PREX1: variants seen among roughly 807,000 people sequenced by gnomAD.
The protein encoded by PREX1 is phosphatidylinositol 3,4,5-trisphosphate-dependent Rac exchanger 1 protein.
PREX1 carries 41 observed loss-of-function variants against 198.3 expected under a neutral mutation model. The observed-to-expected ratio is 0.21, with a 90% CI of 0.16 to 0.27. The LOEUF (loss-of-function observed/expected upper bound fraction) is 0.27. Ranked by LOEUF, PREX1 falls within the 10% of genes least tolerant of loss-of-function variation. The pLI is 1.00. For synonymous variants in PREX1, 843 were observed against 887.2 expected (o/e 0.95, Z 0.89); for missense variants, 1,620 against 2,200.7 (o/e 0.74, Z 5.28).
chr20:48,634,011 ACAGATGTT>A (rs1202916410), intron 33 of PREX1, among the ~76,000 whole-genome samples: 108 of 151,618 alleles, frequency 7.1e-4, no homozygotes, highest in African/African-American at 2.4e-3. Flanking sequence ...GGATGGATGG[ACAGATGTT>A]TGGATGGATC....
At chr20:48,830,549 CCCA>C (rs1216684754), upstream of PREX1, among the ~76,000 whole-genome samples, 5 of 152,162 alleles carry the variant, frequency 3.3e-5, no homozygotes, top group African/African-American at 1.2e-4. Context: ...ACACACAAAT[CCCA>C]CATTTCACCC....
chr20:48,732,991 G>T (rs970605797), intron 4 of PREX1, among the ~76,000 whole-genome samples: 1 of 152,194 alleles, frequency 6.6e-6, no homozygotes, highest in Admixed American at 6.5e-5. Flanking sequence ...CAGACTGTCT[G>T]CACCCACACT....
the PREX1 span, among the ~76,000 whole-genome samples, chr20:48,848,629 C>A: frequency 6.6e-6 from 1 of 152,132 alleles, no homozygotes; most frequent in Non-Finnish European, 1.5e-5. Flanking sequence ...CTTTGGATAA[C>A]CACCTGGCAC....
At chr20:48,865,808 A>G in the PREX1 span, among the ~76,000 whole-genome samples, 1 of 152,248 alleles carries the variant, frequency 6.6e-6, no homozygotes, top group Non-Finnish European at 1.5e-5. Context: ...ACAGCTGTAT[A>G]ATAATTATTG....
intron 1 of PREX1, among the ~76,000 whole-genome samples, chr20:48,820,721 G>A (rs543266863): frequency 5.9e-5 from 9 of 152,138 alleles, no homozygotes; most frequent in Non-Finnish European, 1.2e-4. Context: ...GGGAAGAGGG[G>A]TCCTACTGGC....
chr20:48,850,271 G>A, the PREX1 span, among the ~76,000 whole-genome samples: 13 of 152,160 alleles, frequency 8.5e-5, no homozygotes, highest in South Asian at 2.1e-4. Flanking sequence ...AGAGTGACCC[G>A]GGGCAAGCGG....
At chr20:48,734,887 T>C (rs1207789001) in intron 3 of PREX1, among the ~76,000 whole-genome samples, 1 of 152,162 alleles carries the variant, frequency 6.6e-6, no homozygotes, top group Non-Finnish European at 1.5e-5. Context: ...CAGTGTGGCC[T>C]GGGGGTCAAG....
At chr20:48,638,905 G>C (rs1387558193) in intron 30 of PREX1, among the ~76,000 whole-genome samples, 1 of 152,180 alleles carries the variant, frequency 6.6e-6, no homozygotes, top group East Asian at 1.9e-4. Flanking sequence ...TGGTGGTCTG[G>C]ACCCAGAGTC....
chr20:48,848,487 T>C, the PREX1 span, among the ~76,000 whole-genome samples: 1 of 152,012 alleles, frequency 6.6e-6, no homozygotes. Context: ...GAACTCCTGG[T>C]CTCAAGCAAT....
At position 48,713,964 on chromosome 20, in the gene PREX1, C is replaced by G. The variant is rs1396839214; in HGVS notation, c.622-5543G>C. On this transcript the variant is annotated intron_variant, in intron 5 of 39. Coordinates refer to ENST00000371941, the MANE Select transcript of PREX1 (RefSeq NM_020820.4). ...ACATTTATGGTCAGTTAATTTTCCA[C>G]AAGGATGCCAAGGCAATTAAATGGA... Among the ~76,000 whole-genome samples the G allele has an allele frequency of 2.0e-5, 3 of 151,416 alleles. No individual in the cohort carries two copies. The East Asian group carries it at 5.8e-4, about 29-fold the overall frequency.
intron 3 of PREX1, among the ~76,000 whole-genome samples, chr20:48,739,703 A>T (rs985317970): frequency 6.6e-6 from 1 of 152,166 alleles, no homozygotes; most frequent in Admixed American, 6.5e-5. Context: ...GGCACACAGG[A>T]GATGCTTACT....
At chr20:48,871,930 C>T in the PREX1 span, among the ~76,000 whole-genome samples, 20 of 152,136 alleles carry the variant, frequency 1.3e-4, no homozygotes, top group African/African-American at 4.3e-4. Context: ...GAGGCTGAGG[C>T]GGGCGGATCA....
At chr20:48,651,302 G>C in intron 22 of PREX1, 94 bp downstream of exon 22, 2 of 1,479,766 alleles carry the variant, frequency 1.4e-6, no homozygotes, top group Non-Finnish European at 9.0e-7. Context: ...ATGGGATTCG[G>C]GTGTCCCACC....
At chr20:48,762,109 C>T (rs1205233164) in intron 1 of PREX1, among the ~76,000 whole-genome samples, 1 of 152,204 alleles carries the variant, frequency 6.6e-6, no homozygotes, top group Non-Finnish European at 1.5e-5. Context: ...TTTACCCTCA[C>T]CCAGGGCAGA....
At chr20:48,741,067 G>A (rs2090079317) in intron 3 of PREX1, among the ~76,000 whole-genome samples, 1 of 151,596 alleles carries the variant, frequency 6.6e-6, no homozygotes, top group Admixed American at 6.6e-5. Flanking sequence ...GGTGTGCAGT[G>A]GCACAATCTC....
chr20:48,777,926 A>G (rs1403743391), intron 1 of PREX1, among the ~76,000 whole-genome samples: 1 of 152,168 alleles, frequency 6.6e-6, no homozygotes, highest in African/African-American at 2.4e-5. Context: ...AGACGTCTAC[A>G]CCAGGGGCTA....
At chr20:48,736,009 T>C (rs533126347) in intron 3 of PREX1, among the ~76,000 whole-genome samples, 37 of 152,240 alleles carry the variant, frequency 2.4e-4, no homozygotes, top group African/African-American at 8.9e-4. Flanking sequence ...AGGGTGACCT[T>C]GGGCAAGTGC....
intron 1 of PREX1, among the ~76,000 whole-genome samples, chr20:48,749,283 G>A (rs970839785): frequency 2.6e-5 from 4 of 152,168 alleles, no homozygotes; most frequent in Admixed American, 6.5e-5. Flanking sequence ...ACAGGGCCAC[G>A]GGGAGCTGTG....
At chr20:48,745,171 G>A (rs41283562) in intron 2 of PREX1, 24 bp from the exon 3 acceptor site, 23,234 of 1,607,994 alleles carry the variant, frequency 0.014, 242 homozygotes, top group Middle Eastern at 0.035. Context: ...AGAGGCCAGA[G>A]GACAGCGTTA....
Sources: gnomAD v4.1 joint callset for allele counts (sites outside exome capture counted in the v4.1 genomes callset) on GRCh38, gnomAD v4.1.1 for gene constraint, MANE v1.5 for transcripts, NCBI Gene and HGNC (gene_info 2026-07-23, HGNC 2026-07-21) for gene names.